Variants in TAFA1 observed in about 807,000 individuals in gnomAD.
The protein encoded by TAFA1 is TAFA chemokine like family member 1.
Under a neutral mutation model 18.5 loss-of-function variants are expected in TAFA1, and 4 were observed. The observed-to-expected ratio is 0.22, with a 90% confidence interval of 0.11 to 0.49. The LOEUF is 0.49. Ranked by LOEUF, TAFA1 falls within the 20% of genes least tolerant of loss-of-function variation. The pLI, the probability that TAFA1 is intolerant of heterozygous loss-of-function variation, is 0.98. For synonymous variants in TAFA1, 56 were observed against 55.2 expected (o/e 1.01, Z -0.06); for missense variants, 147 against 169.0 (o/e 0.87, Z 0.72).
At chr3:68,137,071 A>G (rs1315072340) in intron 2 of TAFA1, among the ~76,000 whole-genome samples, 1 of 152,190 alleles carries the variant, frequency 6.6e-6, no homozygotes, top group Non-Finnish European at 1.5e-5. Context: ...TCTGAGGAAT[A>G]TTGTTTTCTA....
chr3:68,016,158 T>C (rs536021734), intron 2 of TAFA1, among the ~76,000 whole-genome samples: 4 of 152,306 alleles, frequency 2.6e-5, no homozygotes, highest in African/African-American at 9.6e-5. Context: ...ATGATGGATA[T>C]TTACATATTT....
intron 2 of TAFA1, among the ~76,000 whole-genome samples, chr3:68,228,105 A>G (rs1020650006): frequency 6.6e-6 from 1 of 152,206 alleles, no homozygotes; most frequent in Non-Finnish European, 1.5e-5. Flanking sequence ...CATCTGTGAA[A>G]ACTGGGAGAA....
chr3:68,238,073 T>C lies in TAFA1; in HGVS notation c.119-179207T>C, dbSNP rs77256600. On this transcript the variant is annotated intron_variant, in intron 2 of 4. Coordinates refer to ENST00000478136, the MANE Select transcript of TAFA1 (RefSeq NM_213609.4). ...CTAAATACTGAAACCTAACGTTCAC[T>C]GGTCACTTTATGGATAACATTCATA... Among the ~76,000 whole-genome samples the C allele has an allele frequency of 8.1e-3, 1,235 of 152,252 alleles. 24 individuals are homozygous for C. The highest frequency in any genetic ancestry group is 0.029 in the African/African-American group (1,195 of 41,544).
rs551862664 is a variant in TAFA1 at position 68,490,413 on chromosome 3, C to T, written c.260-48343C>T. On this transcript the variant is annotated intron_variant, in intron 3 of 4. Coordinates refer to ENST00000478136, the MANE Select transcript of TAFA1 (RefSeq NM_213609.4). The stretch of plus-strand genomic sequence containing the variant: ...GCTTTTAATACGAAAGAAAAATATC[C>T]ATGATTATCTTAAAAGACTGTTATA... Among the ~76,000 whole-genome samples, 3 of 146,258 alleles carry T rather than the reference C, an allele frequency of 2.1e-5. No homozygotes were observed. In the Admixed American group the frequency reaches 2.1e-4, roughly 10 times the overall value.
At chr3:68,265,944 A>G (rs2067534494) in intron 2 of TAFA1, among the ~76,000 whole-genome samples, 1 of 152,192 alleles carries the variant, frequency 6.6e-6, no homozygotes, top group Non-Finnish European at 1.5e-5. Context: ...AAGAAAAAAA[A>G]TTGTATAATC....
chr3:68,504,392 A>G (rs1157116845), intron 3 of TAFA1, among the ~76,000 whole-genome samples: 1 of 152,178 alleles, frequency 6.6e-6, no homozygotes, highest in Non-Finnish European at 1.5e-5. Context: ...CAACGGCCCC[A>G]TGAGGGGTCT....
rs17047619 is a variant in TAFA1, at chr3:68,397,101, T to A, written c.119-20179T>A. Among the ~76,000 whole-genome samples, 1,233 of 152,298 alleles carry A rather than the reference T, an allele frequency of 8.1e-3. 15 individuals carry two copies. Among genetic ancestry groups the A allele is most frequent in the African/African-American group, 0.028 (1,161 of 41,572 alleles). Reference sequence around the variant, plus strand: ...GGAAAAAAAGGAGAAAGGTGCTGTTTCTCTAAGACTGTTCTCGTGAGGATC... The same window carrying A: ...GGAAAAAAAGGAGAAAGGTGCTGTTACTCTAAGACTGTTCTCGTGAGGATC... On this transcript the variant is annotated intron_variant, in intron 2 of 4. Transcript: ENST00000478136.
chr3:68,261,470 G>A (rs1472684406), intron 2 of TAFA1, among the ~76,000 whole-genome samples: 3 of 152,186 alleles, frequency 2.0e-5, no homozygotes, highest in Non-Finnish European at 4.4e-5. Flanking sequence ...GCACATGTAT[G>A]TTTATTGCGG....
At chr3:68,429,822 C>A (rs2071133715) in intron 3 of TAFA1, among the ~76,000 whole-genome samples, 4 of 151,882 alleles carry the variant, frequency 2.6e-5, no homozygotes, top group Admixed American at 2.6e-4. Flanking sequence ...CTTCCTGAAG[C>A]CGCTATGCCT....
intron 3 of TAFA1, among the ~76,000 whole-genome samples, chr3:68,435,856 A>G (rs1413758310): frequency 2.0e-5 from 3 of 152,198 alleles, no homozygotes; most frequent in East Asian, 1.9e-4. Flanking sequence ...CAGGCCCTTC[A>G]TATAAGGGAA....
At chr3:68,314,446 A>G (rs1051183652) in intron 2 of TAFA1, among the ~76,000 whole-genome samples, 3 of 152,200 alleles carry the variant, frequency 2.0e-5, no homozygotes, top group African/African-American at 7.2e-5. Context: ...CTACACACAG[A>G]TTCTCCTGCT....
chr3:68,088,946 G>T (rs2106792796), intron 2 of TAFA1, among the ~76,000 whole-genome samples: 1 of 152,202 alleles, frequency 6.6e-6, no homozygotes, highest in East Asian at 1.9e-4. Context: ...GATGTAGGGG[G>T]AGAGGGAAGG....
chr3:68,380,216 C>T lies in TAFA1; in HGVS notation c.119-37064C>T, dbSNP rs181765629. 1.7e-4 allele frequency among the ~76,000 whole-genome samples: 26 copies of T among 152,054 alleles called. No individual in the cohort carries two copies. In the East Asian group the frequency reaches 3.7e-3, roughly 21 times the overall value. ...AAGACTTTGCTATTGTGAATACTGC[C>T]GCAATAAACATACGCGTGCATGTGT... On this transcript the variant is annotated intron_variant, in intron 2 of 4. Transcript: ENST00000478136.
chr3:68,053,609 G>C (rs186941773), intron 2 of TAFA1, among the ~76,000 whole-genome samples: 84 of 152,186 alleles, frequency 5.5e-4, no homozygotes, highest in Non-Finnish European at 9.6e-4. Context: ...AGTAATTTGT[G>C]GGATGTAGAG....
intron 2 of TAFA1, among the ~76,000 whole-genome samples, chr3:68,286,172 C>T (rs2067999985): frequency 6.6e-6 from 1 of 152,076 alleles, no homozygotes; most frequent in African/African-American, 2.4e-5. Flanking sequence ...GATTGCACCA[C>T]TGCACTCCAG....
chr3:68,083,117 C>T (rs189233058), intron 2 of TAFA1, among the ~76,000 whole-genome samples: 13 of 152,094 alleles, frequency 8.5e-5, no homozygotes, highest in East Asian at 1.9e-4. Flanking sequence ...TAATGGAGCC[C>T]GAAAGGAAAA....
chr3:68,400,496 C>T lies in TAFA1; in HGVS notation c.119-16784C>T, dbSNP rs181244108. 7.9e-5 allele frequency among the ~76,000 whole-genome samples: 12 copies of T among 152,214 alleles called. No homozygotes were observed. In the East Asian group the frequency reaches 2.3e-3, roughly 29 times the overall value. Reference sequence around the variant, plus strand: ...TATTGCTTATGCTGCTTATTCCAGCCCTGATAAGGAACCATCAGCATTTGA... The same window carrying T: ...TATTGCTTATGCTGCTTATTCCAGCTCTGATAAGGAACCATCAGCATTTGA... On this transcript the variant is annotated intron_variant, in intron 2 of 4. Transcript: ENST00000478136.
At chr3:68,021,895 G>A (rs905441818) in intron 2 of TAFA1, among the ~76,000 whole-genome samples, 7 of 152,100 alleles carry the variant, frequency 4.6e-5, no homozygotes, top group Middle Eastern at 3.2e-3. Context: ...GCTCTCTACT[G>A]AAGAGGGCAA....
At chr3:68,501,438 TAA>T (rs1452812301) in intron 3 of TAFA1, among the ~76,000 whole-genome samples, 22 of 152,226 alleles carry the variant, frequency 1.4e-4, no homozygotes, top group African/African-American at 5.3e-4. Flanking sequence ...GTTATTAAAA[TAA>T]GAGAATTGAT....
Sources: allele counts gnomAD v4.1 joint callset (sites outside exome capture counted in the v4.1 genomes callset), GRCh38; gene constraint gnomAD v4.1.1; transcripts MANE v1.5; gene names NCBI Gene and HGNC (gene_info 2026-07-23, HGNC 2026-07-21).